USH2A: variants seen among roughly 807,000 people sequenced by gnomAD.
USH2A encodes the protein usherin.
In USH2A, 443 loss-of-function variants were observed where a neutral mutation model predicts 538.9. That is an observed-to-expected ratio of 0.82 (90% CI 0.76 to 0.89). USH2A has a LOEUF of 0.89. Among genes scored for constraint, USH2A ranks in the 40% least tolerant of loss-of-function variants. The probability of loss-of-function intolerance (pLI) is 0.00; values close to 1 mark genes in which losing one functional copy is unlikely to be tolerated. For missense variants in USH2A, 6,633 were observed against 6,324.8 expected (o/e 1.05, Z -1.65); for synonymous variants, 2,413 against 2,273.5 (o/e 1.06, Z -1.75).
intron 61 of USH2A, among the ~76,000 whole-genome samples, chr1:215,686,576 G>A (rs774767371): frequency 1.3e-5 from 2 of 152,018 alleles, no homozygotes; most frequent in East Asian, 1.9e-4. Flanking sequence ...AACTGCATTT[G>A]TTAGGAAACA....
chr1:215,836,128 A>ACGT (rs1466766093), intron 47 of USH2A, among the ~76,000 whole-genome samples: 3 of 151,908 alleles, frequency 2.0e-5, no homozygotes, highest in African/African-American at 7.3e-5. Flanking sequence ...ATATTCTGTT[A>ACGT]CGTCATTCAC....
chr1:216,280,851 C>A (rs1373611485), intron 11 of USH2A, among the ~76,000 whole-genome samples: 1 of 152,180 alleles, frequency 6.6e-6, no homozygotes, highest in Non-Finnish European at 1.5e-5. Context: ...GGGCTGGCTT[C>A]ATTCCTAAGT....
chr1:215,861,838 C>CTTTTTTT lies in USH2A; in HGVS notation c.8845+5162_8845+5168dup, dbSNP rs11461966. Among the ~76,000 whole-genome samples, 4 of 110,340 alleles carry CTTTTTTT rather than the reference C, an allele frequency of 3.6e-5. 1 individual carries two copies. The highest frequency in any genetic ancestry group is 5.4e-5 in the Non-Finnish European group (3 of 55,524). 72.4% of individuals were successfully genotyped at this position (110,340 alleles called of 152,430 possible). ...GCCATGCAATAGTTAGTAGTTTTCG[C>CTTTTTTT]TTTTTTTTTTTTTTTTTTTTGAGAC... On this transcript the variant is annotated intron_variant, in intron 44 of 71. Coordinates refer to ENST00000307340, the MANE Select transcript of USH2A (RefSeq NM_206933.4).
chr1:215,851,448 G>C (rs765759607), intron 44 of USH2A, among the ~76,000 whole-genome samples: 1 of 152,002 alleles, frequency 6.6e-6, no homozygotes, highest in Admixed American at 6.6e-5. Flanking sequence ...AGAAAACCTA[G>C]ATAAACTCCT....
At chr1:216,015,365 A>G (rs1558213103) in intron 32 of USH2A, among the ~76,000 whole-genome samples, 1 of 152,206 alleles carries the variant, frequency 6.6e-6, no homozygotes, top group African/African-American at 2.4e-5. Context: ...TTGCTCCACA[A>G]TTGCTTGCTC....
At chr1:216,211,547 A>G (rs1484366250) in intron 15 of USH2A, among the ~76,000 whole-genome samples, 1 of 152,212 alleles carries the variant, frequency 6.6e-6, no homozygotes. Flanking sequence ...TCCTAAAGAC[A>G]AAGTCTGATC....
At chr1:215,836,681 C>T (rs1246361217) in intron 47 of USH2A, among the ~76,000 whole-genome samples, 2 of 141,484 alleles carry the variant, frequency 1.4e-5, no homozygotes, top group African/African-American at 2.6e-5. Flanking sequence ...CTCAGCCTCC[C>T]GAGTAGCTGG....
chr1:215,959,977 A>T (rs983192555), intron 37 of USH2A, among the ~76,000 whole-genome samples: 8 of 152,156 alleles, frequency 5.3e-5, no homozygotes, highest in African/African-American at 1.9e-4. Context: ...CACTTAAGAA[A>T]AAAGCAGGAT....
intron 32 of USH2A, among the ~76,000 whole-genome samples, chr1:216,038,744 A>C (rs1467990641): frequency 6.6e-6 from 1 of 152,052 alleles, no homozygotes; most frequent in Non-Finnish European, 1.5e-5. Flanking sequence ...ACTCAATTTA[A>C]GCACTTTAAA....
chr1:215,679,495 A>T (rs1658153100), intron 62 of USH2A, among the ~76,000 whole-genome samples: 1 of 152,194 alleles, frequency 6.6e-6, no homozygotes, highest in Non-Finnish European at 1.5e-5. Flanking sequence ...ATCCTTGGGG[A>T]GGAACATCAG....
chr1:215,646,223 G>C (rs961219367), intron 67 of USH2A, among the ~76,000 whole-genome samples: 3 of 152,090 alleles, frequency 2.0e-5, no homozygotes, highest in African/African-American at 7.2e-5. Flanking sequence ...AAGGGCCTGT[G>C]ACATAGAAGA....
intron 3 of USH2A, among the ~76,000 whole-genome samples, chr1:216,409,527 A>C (rs1558075776): frequency 6.6e-6 from 1 of 152,130 alleles, no homozygotes; most frequent in African/African-American, 2.4e-5. Context: ...TGGTACAAAA[A>C]CAGACACATA....
intron 35 of USH2A, among the ~76,000 whole-genome samples, chr1:215,987,357 A>G (rs1266824642): frequency 6.6e-6 from 1 of 152,238 alleles, no homozygotes; most frequent in Non-Finnish European, 1.5e-5. Context: ...TGGTCTTACA[A>G]AGGAAGCGTC....
chr1:216,220,646 A>G (rs186939841), intron 14 of USH2A, among the ~76,000 whole-genome samples: 36 of 152,142 alleles, frequency 2.4e-4, no homozygotes, highest in Non-Finnish European at 4.3e-4. Flanking sequence ...CAAGCACCTC[A>G]GTACTCCTGG....
intron 20 of USH2A, among the ~76,000 whole-genome samples, chr1:216,179,303 C>CT (rs765177486): frequency 1.3e-3 from 193 of 151,184 alleles, no homozygotes; most frequent in Non-Finnish European, 1.7e-3. Context: ...TTAGAGCACA[C>CT]TTTTTTTTTA....
chr1:216,309,091 T>C (rs1186004470), intron 9 of USH2A, among the ~76,000 whole-genome samples: 1 of 152,236 alleles, frequency 6.6e-6, no homozygotes, highest in East Asian at 1.9e-4. Flanking sequence ...AGTCTGTTTC[T>C]AGACGATTGT....
intron 34 of USH2A, among the ~76,000 whole-genome samples, chr1:215,997,849 C>T (rs762847877): frequency 8.5e-5 from 13 of 152,058 alleles, no homozygotes; most frequent in Non-Finnish European, 1.3e-4. Context: ...CTGTACATAA[C>T]CAAAGTGCTG....
At chr1:216,179,832 T>C (rs1367660651) in intron 20 of USH2A, among the ~76,000 whole-genome samples, 2 of 152,112 alleles carry the variant, frequency 1.3e-5, no homozygotes, top group Admixed American at 6.6e-5. Context: ...TAGGTAAAAG[T>C]AGATATGACT....
chr1:216,145,606 G>C (rs904975200), intron 21 of USH2A, among the ~76,000 whole-genome samples: 1 of 152,164 alleles, frequency 6.6e-6, no homozygotes, highest in African/African-American at 2.4e-5. Context: ...TCCTGTGTCA[G>C]GCCTCTGAGC....
Sources: gnomAD v4.1 joint callset for allele counts (sites outside exome capture counted in the v4.1 genomes callset) on GRCh38, gnomAD v4.1.1 for gene constraint, MANE v1.5 for transcripts, NCBI Gene and HGNC (gene_info 2026-07-23, HGNC 2026-07-21) for gene names.